The following ARHGEF16 variants were observed in gnomAD, a reference collection of about 807,000 sequenced individuals.
ARHGEF16 encodes the protein Rho guanine exchange factor (GEF) 16.
ARHGEF16 carries 59 observed loss-of-function variants against 74.1 expected under a neutral mutation model. The observed-to-expected ratio is 0.80, with a 90% CI of 0.65 to 0.99. The LOEUF (loss-of-function observed/expected upper bound fraction) is 0.99. ARHGEF16 is among the 50% of genes least tolerant of loss of function. The pLI, the probability that ARHGEF16 is intolerant of heterozygous loss-of-function variation, is 0.00. For missense variants in ARHGEF16, 948 were observed against 986.6 expected (o/e 0.96, Z 0.52); for synonymous variants, 415 against 412.6 (o/e 1.01, Z -0.07).
At chr1:3,462,584 G>A (rs1255996748) in intron 1 of ARHGEF16, among the ~76,000 whole-genome samples, 3 of 152,190 alleles carry the variant, frequency 2.0e-5, no homozygotes, top group Admixed American at 6.5e-5. Flanking sequence ...TGACCCTTGC[G>A]TTCACCACGA....
chr1:3,466,086 T>C, intron 2 of ARHGEF16, 62 bp from the exon 3 acceptor site: 1 of 1,530,910 alleles, frequency 6.5e-7, no homozygotes, highest in South Asian at 1.2e-5. Context: ...CAGGGCAGAA[T>C]CGCCGTGGGC....
intron 12 of ARHGEF16, 146 bp downstream of exon 12, chr1:3,478,758 G>A (rs931996831): frequency 1.1e-5 from 11 of 981,970 alleles, no homozygotes; most frequent in Non-Finnish European, 1.6e-5. Flanking sequence ...TGCTGAGGTA[G>A]AGCCAGAAAC....
intron 6 of ARHGEF16, among the ~76,000 whole-genome samples, chr1:3,470,674 GGT>G (rs1251451739): frequency 6.7e-6 from 1 of 148,546 alleles, no homozygotes; most frequent in Non-Finnish European, 1.5e-5. Flanking sequence ...TATGTGAGTA[GGT>G]GTGTGTGCGT....
At chr1:3,474,190 C>T (rs1397487468) in intron 8 of ARHGEF16, 1 of 196,452 alleles carries the variant, frequency 5.1e-6, no homozygotes, top group Non-Finnish European at 1.1e-5. Flanking sequence ...CACACAGGCA[C>T]TGCACACACA....
chr1:3,467,252 G>A lies in ARHGEF16; in HGVS notation c.719G>A (p.Ser240Asn). 1 of 1,550,540 alleles carries A rather than the reference G, an allele frequency of 6.4e-7. No individual in the cohort carries two copies. The highest frequency in any genetic ancestry group is 2.4e-5 in the East Asian group (1 of 40,924). The change falls in exon 4 of 15, where the codon AGC (serine) becomes AAC (asparagine). Residue 240 changes from serine to asparagine, a missense_variant. Coordinates refer to ENST00000378378, the MANE Select transcript of ARHGEF16 (RefSeq NM_014448.4). ...SDDDILDESS[S>N]PEGTQKVDAT... is the part of the protein sequence containing the mutation. ...GACGACATCCTCGATGAGTCCTCCAGCCCCGAGGGAACCCAGAAGGTGGAC... is the reference window on the plus strand; with the variant it reads ...GACGACATCCTCGATGAGTCCTCCAACCCCGAGGGAACCCAGAAGGTGGAC...
In ARHGEF16 at chr1:3,454,699, G is replaced by T. The variant is rs1051952745; in HGVS notation, c.-132G>T. 5.9e-5 allele frequency: 9 copies of T among 151,508 alleles called. No homozygotes were observed. The East Asian group carries it at 1.8e-3, about 30-fold the overall frequency. The allele number at this position is 151,508 out of a possible 1,614,324, so 9.4% of individuals were successfully genotyped here. On this transcript the variant is annotated 5_prime_UTR_variant, in exon 1 of 15. Coordinates refer to ENST00000378378, the MANE Select transcript of ARHGEF16 (RefSeq NM_014448.4). ...GCGCAGGAAGCGGAGGAGGCGCCCC[G>T]GGCCGGACCGCGCTGCCGCAGGAGC...
chr1:3,476,715 C>A (rs915321359), intron 10 of ARHGEF16, among the ~76,000 whole-genome samples: 1 of 152,132 alleles, frequency 6.6e-6, no homozygotes. Context: ...GTCCTGGTGC[C>A]CCATCCAGGG....
chr1:3,470,986 G>A lies in ARHGEF16; in HGVS notation c.1022+1393G>A, dbSNP rs373637827. ...TGTGCCTGGCCAGGGGTGTGTGTGC[G>A]TGGGCAGGGGTGTGCGTGGGTGTGT... On this transcript the variant is annotated intron_variant, in intron 6 of 14. Coordinates refer to ENST00000378378, the MANE Select transcript of ARHGEF16 (RefSeq NM_014448.4). 2.8e-3 allele frequency among the ~76,000 whole-genome samples: 403 copies of A among 143,848 alleles called. 3 individuals are homozygous for A. Among genetic ancestry groups the A allele is most frequent in the African/African-American group, 9.8e-3 (378 of 38,488 alleles). 94.4% of individuals were successfully genotyped at this position (143,848 alleles called of 152,430 possible).
chr1:3,473,674 T>A (rs2493323), intron 8 of ARHGEF16, 152 bp downstream of exon 8: 1,296,151 of 1,304,420 alleles, frequency 0.99, 644,260 homozygotes, highest in East Asian at 1. Context: ...GATGGCTTTA[T>A]TAACCAGGAT....
chr1:3,456,346 G>T (rs1639263839), intron 1 of ARHGEF16, among the ~76,000 whole-genome samples: 1 of 152,246 alleles, frequency 6.6e-6, no homozygotes, highest in African/African-American at 2.4e-5. Flanking sequence ...TGTGATCCAG[G>T]CGCAGGCGCT....
At chr1:3,462,952 C>T in intron 1 of ARHGEF16, 114 bp from the exon 2 acceptor site, 1 of 692,882 alleles carries the variant, frequency 1.4e-6, no homozygotes, top group Admixed American at 3.1e-5. Flanking sequence ...CCTGCTGTGT[C>T]CTGGGAGCTG....
At chr1:3,455,750 G>A (rs1405912181) in intron 1 of ARHGEF16, among the ~76,000 whole-genome samples, 3 of 152,186 alleles carry the variant, frequency 2.0e-5, no homozygotes, top group Non-Finnish European at 4.4e-5. Flanking sequence ...TGACCCCTCC[G>A]TGGCATAGTT....
Position 3,473,109 on chromosome 1 carries a change from G to T in ARHGEF16, c.1054G>T (p.Ala352Ser). 6.2e-7 allele frequency: 1 copy of T among 1,613,384 alleles called. No homozygotes were observed. Among genetic ancestry groups the T allele is most frequent in the Non-Finnish European group, 8.5e-7 (1 of 1,179,970 alleles). The change falls in exon 7 of 15, where the codon GCC becomes TCC. Residue 352 changes from alanine (A) to serine (S), a missense_variant. Coordinates refer to ENST00000378378, the MANE Select transcript of ARHGEF16 (RefSeq NM_014448.4). ...CGAGGACCTGGAGCAGCGGCACAAG[G>T]CCCAGGTGCTGGTCGAGGACATCAG... is the stretch of plus-strand genomic sequence containing the variant. ...FFEDLEQRHKAQVLVEDISDI... is the reference protein window; with the variant it reads ...FFEDLEQRHKSQVLVEDISDI...
chr1:3,469,356 C>T lies in ARHGEF16; in HGVS notation c.862-77C>T, dbSNP rs72852415. 33 of 1,550,946 alleles carry T rather than the reference C, an allele frequency of 2.1e-5. No homozygotes were observed. In the African/African-American group the frequency reaches 3.8e-4, roughly 18 times the overall value. On this transcript the variant is annotated intron_variant, in intron 5 of 14. Coordinates refer to ENST00000378378, the MANE Select transcript of ARHGEF16 (RefSeq NM_014448.4). ...GCCCCTGCCACCCGGGTCACGTCCT[C>T]CTGTTCCAAGCATTGGTCACCGAGG...
At chr1:3,466,285 G>A in intron 3 of ARHGEF16, 92 bp downstream of exon 3, 1 of 1,364,420 alleles carries the variant, frequency 7.3e-7, no homozygotes, top group East Asian at 2.6e-5. Flanking sequence ...CCTCAGTTTG[G>A]TGTCTCGGGG....
At chr1:3,458,573 C>G (rs1639319314) in intron 1 of ARHGEF16, among the ~76,000 whole-genome samples, 1 of 152,234 alleles carries the variant, frequency 6.6e-6, no homozygotes, top group African/African-American at 2.4e-5. Context: ...ATTGGGCCCT[C>G]CCGGTCAGAC....
At position 3,475,993 on chromosome 1, in the gene ARHGEF16, G is replaced by A. The variant is rs747806657; in HGVS notation, c.1404G>A (p.Gly468=). 3.2e-6 allele frequency: 5 copies of A among 1,555,800 alleles called. No individual in the cohort carries two copies. Among genetic ancestry groups the A allele is most frequent in the East Asian group, 4.8e-5 (2 of 41,486 alleles). Residue 468 remains glycine (G), a synonymous_variant, in exon 10 of 15, where the codon GGG becomes GGA. Transcript: ENST00000378378. ...AGCTGGTGAGGCAGTGCAACGAGGG[G>A]GCCCACAGGATGGAGCGCATGGAGC... ...ISKLVRQCNE[G]AHRMERMEQM... is the part of the protein sequence containing the mutation.
chr1:3,466,152 C>A lies in ARHGEF16; in HGVS notation c.593C>A (p.Thr198Lys). 6.5e-7 allele frequency: 1 copy of A among 1,548,120 alleles called. No individual in the cohort carries two copies. Residue 198 changes from threonine to lysine, a missense_variant, in exon 3 of 15, where the codon ACG becomes AAG. Coordinates refer to ENST00000378378, the MANE Select transcript of ARHGEF16 (RefSeq NM_014448.4). ...CTGTGTCTCTCTTTTGTGCAGAAGA[C>A]GCTGGGGAGGAAACGTGGGCACAAG... ...HTRSPAKNKK[T>K]LGRKRGHKGS... is the part of the protein sequence containing the mutation.
intron 1 of ARHGEF16, among the ~76,000 whole-genome samples, chr1:3,460,118 C>T (rs1639357431): frequency 6.6e-6 from 1 of 152,192 alleles, no homozygotes; most frequent in Admixed American, 6.5e-5. Context: ...AGAGCCGGCT[C>T]CTGGGGGGCT....
Sources: gnomAD v4.1 joint callset for allele counts (sites outside exome capture counted in the v4.1 genomes callset) on GRCh38, gnomAD v4.1.1 for gene constraint, MANE v1.5 for transcripts, NCBI Gene and HGNC (gene_info 2026-07-23, HGNC 2026-07-21) for gene names.